The following VWA1 variants were observed in gnomAD, a reference collection of about 807,000 sequenced individuals.
The protein encoded by VWA1 is von Willebrand factor A domain-containing protein 1.
VWA1 carries 12 observed loss-of-function variants against 14.9 expected under a neutral mutation model. That is an observed-to-expected ratio of 0.80 (90% CI 0.52 to 1.30). The LOEUF is 1.30. Among genes scored for constraint, VWA1 ranks in the 50% most tolerant of loss-of-function variants. The pLI is 0.00. For synonymous variants in VWA1, 368 were observed against 310.7 expected, an observed-to-expected ratio of 1.18 and a Z score of -1.94; for missense variants, 800 against 649.1, an observed-to-expected ratio of 1.23 and a Z score of -2.53.
Position 1,439,805 on chromosome 1 carries a change from G to C in VWA1, c.*18G>C, listed in dbSNP as rs1240699. On this transcript the variant is annotated 3_prime_UTR_variant, in exon 3 of 3. Coordinates refer to ENST00000476993, the MANE Select transcript of VWA1 (RefSeq NM_022834.5). ...AGCCGTAAGCCGGCGTCCCCGCCCA[G>C]CCGAGAGGGCCGGCGCCTACCTGAG... 0.19 allele frequency: 197,331 copies of C among 1,065,830 alleles called. 25,315 individuals are homozygous for C. Among genetic ancestry groups the C allele is most frequent in the East Asian group, 0.85 (12,849 of 15,098 alleles). The allele number at this position is 1,065,830 out of a possible 1,614,324, so 66.0% of individuals were successfully genotyped here. A position where few individuals can be genotyped will look rare whatever the true frequency, so the allele number is the denominator to read the frequency against.
rs941158813 is a variant in VWA1, at chr1:1,439,531, C to T, written c.1082C>T (p.Ala361Val). 24 of 1,360,298 alleles carry T rather than the reference C, an allele frequency of 1.8e-5. No individual in the cohort carries two copies. Among genetic ancestry groups the T allele is most frequent in the East Asian group, 3.8e-5 (1 of 26,480 alleles). 84.3% of individuals were successfully genotyped at this position (1,360,298 alleles called of 1,614,324 possible). A position where few individuals can be genotyped will look rare whatever the true frequency, so the allele number is the denominator to read the frequency against. ...SWAPALGSAA[A>V]LGYHVQFGPL... ...GCCCCAGCGCTGGGCTCAGCCGCGG[C>T]GCTCGGCTACCACGTGCAGTTCGGG... Residue 361 changes from alanine (A) to valine (V), a missense_variant, in exon 3 of 3, where the codon GCG becomes GTG. Coordinates refer to ENST00000476993, the MANE Select transcript of VWA1 (RefSeq NM_022834.5).
At position 1,439,526 on chromosome 1, in the gene VWA1, C is replaced by G. The variant is rs1325187329; in HGVS notation, c.1077C>G (p.Ala359=). The part of the protein sequence containing the change: ...RVSWAPALGS[A]AALGYHVQFG... Reference sequence around the variant, plus strand: ...GTTGGGCCCCAGCGCTGGGCTCAGCCGCGGCGCTCGGCTACCACGTGCAGT... The same window carrying G: ...GTTGGGCCCCAGCGCTGGGCTCAGCGGCGGCGCTCGGCTACCACGTGCAGT... The change falls in exon 3 of 3, where the codon GCC becomes GCG. Residue 359 remains alanine (A), a synonymous_variant. Coordinates refer to ENST00000476993, the MANE Select transcript of VWA1 (RefSeq NM_022834.5). The G allele has an allele frequency of 5.9e-6, 8 of 1,366,786 alleles. No individual in the cohort carries two copies. Among genetic ancestry groups the G allele is most frequent in the Admixed American group, 3.4e-5 (1 of 29,470 alleles). The allele number at this position is 1,366,786 out of a possible 1,614,324, so 84.7% of individuals were successfully genotyped here. A position where few individuals can be genotyped will look rare whatever the true frequency, so the allele number is the denominator to read the frequency against.
At position 1,439,343 on chromosome 1, in the gene VWA1, G is replaced by A. The variant is rs373867476; in HGVS notation, c.894G>A (p.Arg298=). ...GCCTCCTGAGGCCCCAGATCCTGCGGGTGCGCACGCGGCCCGGTGAGGCAG... is the reference window on the plus strand; with the variant it reads ...GCCTCCTGAGGCCCCAGATCCTGCGAGTGCGCACGCGGCCCGGTGAGGCAG... ...NVRLLRPQIL[R]VRTRPGEAGP... The change falls in exon 3 of 3, where the codon CGG becomes CGA. Residue 298 remains arginine, a synonymous_variant. Coordinates refer to ENST00000476993, the MANE Select transcript of VWA1 (RefSeq NM_022834.5). 261 of 1,565,952 alleles carry A rather than the reference G, an allele frequency of 1.7e-4. 1 individual carries two copies. The highest frequency in any genetic ancestry group is 1.9e-4 in the Non-Finnish European group (226 of 1,162,602).
chr1:1,437,225 G>A lies in VWA1; in HGVS notation c.372G>A (p.Leu124=), dbSNP rs1382053272. The stretch of plus-strand genomic sequence containing the variant: ...CGCTGGTCTATGCCAAGGAACAGCT[G>A]TTTGCTGAAGCATCAGGTGCCCGGC... ...GLALVYAKEQ[L]FAEASGARPG... is the part of the protein sequence containing the mutation. Residue 124 remains leucine, a synonymous_variant, in exon 2 of 3, where the codon CTG becomes CTA. Transcript: ENST00000476993. 6.2e-7 allele frequency: 1 copy of A among 1,611,632 alleles called. No individual in the cohort carries two copies. Among genetic ancestry groups the A allele is most frequent in the African/African-American group, 1.3e-5 (1 of 74,940 alleles).
chr1:1,439,541 C>T lies in VWA1; in HGVS notation c.1092C>T (p.Tyr364=), dbSNP rs1638614849. The change falls in exon 3 of 3, where the codon TAC becomes TAT. Residue 364 remains tyrosine (Y), a synonymous_variant. Coordinates refer to ENST00000476993, the MANE Select transcript of VWA1 (RefSeq NM_022834.5). ...TGGGCTCAGCCGCGGCGCTCGGCTA[C>T]CACGTGCAGTTCGGGCCGCTGCGGG... is the stretch of plus-strand genomic sequence containing the variant. ...PALGSAAALG[Y]HVQFGPLRGG... The T allele has an allele frequency of 7.4e-7, 1 of 1,348,640 alleles. No individual in the cohort carries two copies. The highest frequency in any genetic ancestry group is 3.8e-5 in the East Asian group (1 of 26,302). The allele number at this position is 1,348,640 out of a possible 1,614,324, so 83.5% of individuals were successfully genotyped here.
chr1:1,435,893 C>G (rs2100450727), intron 1 of VWA1, 72 bp downstream of exon 1: 1 of 962,642 alleles, frequency 1.0e-6, no homozygotes, highest in East Asian at 9.6e-5. Flanking sequence ...CCGCGCAAGG[C>G]CGTCGCTGTC....
chr1:1,439,049 C>G (rs565323401), intron 2 of VWA1, 32 bp from the exon 3 acceptor site: 3 of 1,585,496 alleles, frequency 1.9e-6, no homozygotes, highest in Non-Finnish European at 2.6e-6. Flanking sequence ...AGGAACTGAC[C>G]GCTGTTCCCT....
At position 1,439,955 on chromosome 1, in the gene VWA1, C is replaced by CT; in HGVS notation, c.*169dup. On this transcript the variant is annotated 3_prime_UTR_variant, in exon 3 of 3. Transcript: ENST00000476993. The stretch of plus-strand genomic sequence containing the variant: ...CCCTGCGGCCGCAGGGCTTCCCCGC[C>CT]TGGCGCCTGCCCTCCAGGGCTGGGG... 1 of 827,974 alleles carries CT rather than the reference C, an allele frequency of 1.2e-6. No homozygotes were observed. Among genetic ancestry groups the CT allele is most frequent in the Non-Finnish European group, 1.5e-6 (1 of 674,018 alleles). 51.3% of individuals were successfully genotyped at this position (827,974 alleles called of 1,614,324 possible). A position where few individuals can be genotyped will look rare whatever the true frequency, so the allele number is the denominator to read the frequency against.
chr1:1,438,644 C>G (rs957943998), intron 2 of VWA1, among the ~76,000 whole-genome samples: 5 of 152,298 alleles, frequency 3.3e-5, no homozygotes, highest in African/African-American at 1.2e-4. Flanking sequence ...GGGCCTGCCC[C>G]TGTGGTCTCC....
At chr1:1,438,965 C>T in intron 2 of VWA1, 116 bp from the exon 3 acceptor site, 1 of 1,428,634 alleles carries the variant, frequency 7.0e-7, no homozygotes, top group Admixed American at 2.7e-5. Flanking sequence ...GGCCGCGGGG[C>T]CCCGTCTTTC....
Position 1,441,299 on chromosome 1 carries a change from A to G in VWA1, c.*1512A>G, listed in dbSNP as rs1638665633. 6.6e-6 allele frequency: 1 copy of G among 151,932 alleles called. No homozygotes were observed. Among genetic ancestry groups the G allele is most frequent in the Non-Finnish European group, 1.5e-5 (1 of 68,000 alleles). 9.4% of individuals were successfully genotyped at this position (151,932 alleles called of 1,614,324 possible). ...GGCCCCACCAGAAACCCAAGGCCAC[A>G]CCGCCCACCAGCTGGGTGTGGTCAC... On this transcript the variant is annotated 3_prime_UTR_variant, in exon 3 of 3. Transcript: ENST00000476993.
Position 1,437,357 on chromosome 1 carries a change from C to T in VWA1, c.504C>T (p.Val168=). ...LKDLGVTVFI[V]STGRGNFLEL... ...ACCTGGGCGTCACCGTGTTCATTGT[C>T]AGCACCGGCCGAGGCAACTTCCTGG... Residue 168 remains valine, a synonymous_variant, in exon 2 of 3, where the codon GTC becomes GTT. Transcript: ENST00000476993. 1.9e-6 allele frequency: 3 copies of T among 1,612,760 alleles called. No individual in the cohort carries two copies. Among genetic ancestry groups the T allele is most frequent in the Non-Finnish European group, 2.5e-6 (3 of 1,179,968 alleles).
At position 1,437,248 on chromosome 1, in the gene VWA1, G is replaced by T; in HGVS notation, c.395G>T (p.Arg132Leu). 6.2e-7 allele frequency: 1 copy of T among 1,610,428 alleles called. No individual in the cohort carries two copies. The highest frequency in any genetic ancestry group is 8.5e-7 in the Non-Finnish European group (1 of 1,178,966). The change falls in exon 2 of 3, where the codon CGG becomes CTG. Residue 132 changes from arginine (R) to leucine (L), a missense_variant. Arg to Leu is a moderately radical substitution (Grantham distance 102, BLOSUM62 -2). Transcript: ENST00000476993. The part of the protein sequence containing the change: ...EQLFAEASGA[R>L]PGVPKVLVWV... ...CTGTTTGCTGAAGCATCAGGTGCCCGGCCAGGGGTGCCCAAAGTGCTGGTG... is the reference window on the plus strand; with the variant it reads ...CTGTTTGCTGAAGCATCAGGTGCCCTGCCAGGGGTGCCCAAAGTGCTGGTG...
At position 1,439,135 on chromosome 1, in the gene VWA1, G is replaced by C. The variant is rs140102921; in HGVS notation, c.686G>C (p.Arg229Pro). 1 of 1,600,946 alleles carries C rather than the reference G, an allele frequency of 6.2e-7. No individual in the cohort carries two copies. Among genetic ancestry groups the C allele is most frequent in the African/African-American group, 1.3e-5 (1 of 74,978 alleles). Residue 229 changes from arginine (R) to proline (P), a missense_variant, in exon 3 of 3, where the codon CGC becomes CCC. Physicochemically the swap from Arg to Pro is moderately radical, Grantham distance 103. Transcript: ENST00000476993. ...HATEITSSGF[R>P]LAWPPLLTAD... Reference sequence around the variant, plus strand: ...ACGGAGATCACGTCCAGCGGCTTCCGCCTGGCCTGGCCACCCCTGCTGACC... The same window carrying C: ...ACGGAGATCACGTCCAGCGGCTTCCCCCTGGCCTGGCCACCCCTGCTGACC...
Position 1,439,322 on chromosome 1 carries a change from C to A in VWA1, c.873C>A (p.Leu291=). ...VALVPESNVR[L]LRPQILRVRT... is the part of the protein sequence containing the mutation. ...TAGTGCCTGAGTCCAACGTGCGCCT[C>A]CTGAGGCCCCAGATCCTGCGGGTGC... Residue 291 remains leucine (L), a synonymous_variant, in exon 3 of 3, where the codon CTC becomes CTA. Coordinates refer to ENST00000476993, the MANE Select transcript of VWA1 (RefSeq NM_022834.5). The A allele has an allele frequency of 6.3e-7, 1 of 1,585,796 alleles. No homozygotes were observed.
intron 2 of VWA1, among the ~76,000 whole-genome samples, chr1:1,437,879 G>A (rs1193069100): frequency 6.6e-6 from 1 of 152,212 alleles, no homozygotes; most frequent in Non-Finnish European, 1.5e-5. Context: ...AGCCAGAAAG[G>A]TCAGGGACTG....
rs981825343 is a variant in VWA1, at chr1:1,439,501, G to A, written c.1052G>A (p.Ser351Asn). 6 of 1,411,656 alleles carry A rather than the reference G, an allele frequency of 4.3e-6. No homozygotes were observed. In the African/African-American group the frequency reaches 6.1e-5, roughly 14 times the overall value. 87.4% of individuals were successfully genotyped at this position (1,411,656 alleles called of 1,614,324 possible). ...GCCCGGCCGCGCAGCCTCCGCGTGA[G>A]TTGGGCCCCAGCGCTGGGCTCAGCC... The part of the protein sequence containing the change: ...SHARPRSLRV[S>N]WAPALGSAAA... Residue 351 changes from serine (S) to asparagine (N), a missense_variant, in exon 3 of 3, where the codon AGT (serine) becomes AAT (asparagine). By Grantham distance (46) the Ser-to-Asn change is conservative (BLOSUM62 1). Coordinates refer to ENST00000476993, the MANE Select transcript of VWA1 (RefSeq NM_022834.5).
chr1:1,438,947 A>C (rs1638599356), intron 2 of VWA1, 134 bp from the exon 3 acceptor site: 1 of 1,374,836 alleles, frequency 7.3e-7, no homozygotes, highest in African/African-American at 1.5e-5. Flanking sequence ...TGGCTCCAGC[A>C]GCTCCTTGGC....
Position 1,439,766 on chromosome 1 carries a change from G to C in VWA1, c.1317G>C (p.Gly439=). Residue 439 remains glycine, a synonymous_variant, in exon 3 of 3, where the codon GGG becomes GGC. Coordinates refer to ENST00000476993, the MANE Select transcript of VWA1 (RefSeq NM_022834.5). ...PRPVPRAPTP[G]TASREP Reference sequence around the variant, plus strand: ...CCGTGCCCCGCGCCCCGACCCCGGGGACCGCCAGCCGTGAGCCGTAAGCCG... The same window carrying C: ...CCGTGCCCCGCGCCCCGACCCCGGGCACCGCCAGCCGTGAGCCGTAAGCCG... 2 of 1,085,362 alleles carry C rather than the reference G, an allele frequency of 1.8e-6. No individual in the cohort carries two copies. The highest frequency in any genetic ancestry group is 2.2e-6 in the Non-Finnish European group (2 of 895,168). 67.2% of individuals were successfully genotyped at this position (1,085,362 alleles called of 1,614,324 possible). A position where few individuals can be genotyped will look rare whatever the true frequency, so the allele number is the denominator to read the frequency against.
Sources: allele counts gnomAD v4.1 joint callset (sites outside exome capture counted in the v4.1 genomes callset), GRCh38; gene constraint gnomAD v4.1.1; transcripts MANE v1.5; gene names NCBI Gene and HGNC (gene_info 2026-07-23, HGNC 2026-07-21).